The following CPQ variants were observed in gnomAD, a reference collection of about 807,000 sequenced individuals.
CPQ encodes carboxypeptidase Q, also known as Ser-Met dipeptidase.
A neutral mutation model predicts 45.7 loss-of-function variants in CPQ; 37 were observed. That is an observed-to-expected ratio of 0.81 (90% CI 0.62 to 1.07). CPQ has a LOEUF of 1.07. CPQ is among the 50% of genes least tolerant of loss of function. The pLI is 0.00. For synonymous variants in CPQ, 186 were observed against 205.8 expected (o/e 0.90, Z 0.82); for missense variants, 537 against 572.9 (o/e 0.94, Z 0.64).
At chr8:96,670,779 G>A (rs923120418) in intron 1 of CPQ, among the ~76,000 whole-genome samples, 5 of 141,944 alleles carry the variant, frequency 3.5e-5, no homozygotes, top group African/African-American at 1.0e-4. Flanking sequence ...AATCATAAAG[G>A]TTATATACAC....
rs117087138 is a variant in CPQ, at chr8:96,751,338, A to G, written c.-34-33526A>G. 7.2e-4 allele frequency among the ~76,000 whole-genome samples: 110 copies of G among 152,222 alleles called. 3 individuals carry two copies. In the East Asian group the frequency reaches 0.015, roughly 21 times the overall value. On this transcript the variant is annotated intron_variant, in intron 1 of 7. Transcript: ENST00000220763. ...TTCAATGAACCACCATTCTGATTGC[A>G]TAAGATGGTATTTCACTGTGGTTTT... is the stretch of plus-strand genomic sequence containing the variant.
chr8:96,918,322 G>T (rs1812759054), intron 4 of CPQ, among the ~76,000 whole-genome samples: 1 of 151,922 alleles, frequency 6.6e-6, no homozygotes, highest in Admixed American at 6.6e-5. Context: ...TAGCTTTATT[G>T]TACCTCCTTT....
chr8:96,773,507 A>G (rs1018433496), intron 1 of CPQ, among the ~76,000 whole-genome samples: 1 of 152,214 alleles, frequency 6.6e-6, no homozygotes, highest in African/African-American at 2.4e-5. Context: ...AGGGAACAGT[A>G]TGAACAAAAT....
At chr8:96,831,042 T>C (rs1294625005) in intron 2 of CPQ, among the ~76,000 whole-genome samples, 2 of 152,204 alleles carry the variant, frequency 1.3e-5, no homozygotes, top group Non-Finnish European at 2.9e-5. Context: ...TTTGCAGAGT[T>C]GCTGTGAATA....
At chr8:96,726,386 G>C (rs1023364394) in intron 1 of CPQ, among the ~76,000 whole-genome samples, 1 of 151,994 alleles carries the variant, frequency 6.6e-6, no homozygotes, top group African/African-American at 2.4e-5. Context: ...ACTGAAACTG[G>C]GTAATTTATA....
intron 1 of CPQ, among the ~76,000 whole-genome samples, chr8:96,677,246 C>T (rs1809087395): frequency 6.6e-6 from 1 of 152,146 alleles, no homozygotes; most frequent in Admixed American, 6.6e-5. Context: ...AAGGAATCTC[C>T]ATACTGTTTT....
chr8:96,974,889 A>T (rs113451994), intron 5 of CPQ, among the ~76,000 whole-genome samples: 4,236 of 152,178 alleles, frequency 0.028, 132 homozygotes, highest in African/African-American at 0.08. Context: ...AGTTCATAGC[A>T]TTAAATGCCT....
chr8:96,775,108 G>A (rs948469912), intron 1 of CPQ, among the ~76,000 whole-genome samples: 1 of 152,148 alleles, frequency 6.6e-6, no homozygotes, highest in Non-Finnish European at 1.5e-5. Flanking sequence ...GTTTGGGTCT[G>A]TTTGGGTAGA....
At chr8:97,071,932 G>T (rs989279389) in intron 7 of CPQ, among the ~76,000 whole-genome samples, 1 of 152,248 alleles carries the variant, frequency 6.6e-6, no homozygotes, top group East Asian at 1.9e-4. Flanking sequence ...GTGGTCCCAG[G>T]ATGGCTGCAG....
At chr8:97,075,112 C>T (rs1810820716) in intron 7 of CPQ, among the ~76,000 whole-genome samples, 1 of 151,942 alleles carries the variant, frequency 6.6e-6, no homozygotes, top group Non-Finnish European at 1.5e-5. Context: ...AGTAAGAACA[C>T]TTAAAGGGAA....
intron 7 of CPQ, among the ~76,000 whole-genome samples, chr8:97,108,150 T>G (rs1208801885): frequency 6.6e-6 from 1 of 152,242 alleles, no homozygotes; most frequent in African/African-American, 2.4e-5. Flanking sequence ...AATTTCTATG[T>G]AAGTCTCACT....
intron 5 of CPQ, among the ~76,000 whole-genome samples, chr8:96,998,789 C>G (rs1432284704): frequency 3.3e-5 from 5 of 151,876 alleles, no homozygotes; most frequent in Non-Finnish European, 7.4e-5. Flanking sequence ...AGTTATTTGC[C>G]TGCTGTAACT....
intron 7 of CPQ, among the ~76,000 whole-genome samples, chr8:97,070,445 T>C (rs1029726312): frequency 2.0e-5 from 3 of 152,228 alleles, no homozygotes; most frequent in Non-Finnish European, 4.4e-5. Context: ...GCTGTCGGTT[T>C]AATTTTAGGA....
intron 1 of CPQ, among the ~76,000 whole-genome samples, chr8:96,711,274 T>A (rs547528053): frequency 6.6e-6 from 1 of 152,278 alleles, no homozygotes; most frequent in East Asian, 1.9e-4. Context: ...TTTTTTAAAA[T>A]CCATTCTGCC....
At chr8:97,127,105 TAGGTA>T (rs916961676) in intron 7 of CPQ, among the ~76,000 whole-genome samples, 1 of 152,178 alleles carries the variant, frequency 6.6e-6, no homozygotes, top group Non-Finnish European at 1.5e-5. Context: ...GACCTCAGGT[TAGGTA>T]AAGATTTCTT....
chr8:97,098,969 A>G (rs1374093079), intron 7 of CPQ, among the ~76,000 whole-genome samples: 7 of 152,186 alleles, frequency 4.6e-5, no homozygotes, highest in African/African-American at 1.4e-4. Context: ...GCCATTTTGT[A>G]GAAGAGACTG....
At chr8:96,866,016 G>C (rs1057067457) in intron 3 of CPQ, among the ~76,000 whole-genome samples, 1 of 152,026 alleles carries the variant, frequency 6.6e-6, no homozygotes, top group Non-Finnish European at 1.5e-5. Flanking sequence ...TGAAATGGTT[G>C]TACTTAGAGG....
intron 1 of CPQ, among the ~76,000 whole-genome samples, chr8:96,712,359 C>T (rs1326239938): frequency 6.6e-6 from 1 of 152,202 alleles, no homozygotes; most frequent in Non-Finnish European, 1.5e-5. Context: ...AGGCAGTGCT[C>T]CAGTGGGGCC....
chr8:96,799,137 A>G (rs1262371562), intron 2 of CPQ, among the ~76,000 whole-genome samples: 1 of 152,244 alleles, frequency 6.6e-6, no homozygotes, highest in Non-Finnish European at 1.5e-5. Context: ...GAGAAAGAGA[A>G]GGATAAATAA....
Sources: gnomAD v4.1 joint callset for allele counts (sites outside exome capture counted in the v4.1 genomes callset) on GRCh38, gnomAD v4.1.1 for gene constraint, MANE v1.5 for transcripts, NCBI Gene and HGNC (gene_info 2026-07-23, HGNC 2026-07-21) for gene names.